MPHOSPH8: variants seen among roughly 807,000 people sequenced by gnomAD.
MPHOSPH8 encodes the protein M-phase phosphoprotein 8, also known as M-phase phosphoprotein, mpp.
A neutral mutation model predicts 87.3 loss-of-function variants in MPHOSPH8; 45 were observed. That is an observed-to-expected ratio of 0.52 (90% confidence interval 0.41 to 0.66). The LOEUF (loss-of-function observed/expected upper bound fraction) is 0.66. MPHOSPH8 is among the 30% of genes least tolerant of loss of function. MPHOSPH8 has a pLI of 0.00. For synonymous variants in MPHOSPH8, 366 were observed against 376.9 expected (o/e 0.97, Z 0.33); for missense variants, 883 against 1,020.2 (o/e 0.87, Z 1.83).
In MPHOSPH8 at chr13:19,633,758, G is replaced by C; in HGVS notation, c.10G>C (p.Val4Leu). 6.3e-7 allele frequency: 1 copy of C among 1,596,474 alleles called. No individual in the cohort carries two copies. Among genetic ancestry groups the C allele is most frequent in the Non-Finnish European group, 8.5e-7 (1 of 1,172,292 alleles). Residue 4 changes from valine to leucine, a missense_variant, in exon 1 of 14, where the codon GTT (valine) becomes CTT (leucine). By Grantham distance (32) the Val-to-Leu change is conservative. This residue lies in a region of MPHOSPH8 where 103 missense variants were observed against 96.3 expected (regional missense o/e 1.07). Coordinates refer to ENST00000361479, the MANE Select transcript of MPHOSPH8 (RefSeq NM_017520.4). ...TTGCGGAGCTGCTAGGATGGAGCAG[G>C]TTGCGGAGGGAGCAAGGGTGACCGC... Reference protein sequence around the residue: MEQVAEGARVTAVP... With the variant: MEQLAEGARVTAVP...
chr13:19,647,386 T>G, intron 3 of MPHOSPH8, 95 bp downstream of exon 3: 17 of 1,080,208 alleles, frequency 1.6e-5, no homozygotes, highest in Non-Finnish European at 2.2e-5. Context: ...AAGAAAGTGT[T>G]TATGACCATG....
In MPHOSPH8 at chr13:19,640,084, C is replaced by T. The variant is rs141119973; in HGVS notation, c.214-2031C>T. Among the ~76,000 whole-genome samples the T allele has an allele frequency of 1.7e-4, 26 of 150,628 alleles. No individual in the cohort carries two copies. In the East Asian group the frequency reaches 5.1e-3, roughly 29 times the overall value. On this transcript the variant is annotated intron_variant, in intron 1 of 13. Coordinates refer to ENST00000361479, the MANE Select transcript of MPHOSPH8 (RefSeq NM_017520.4). ...TCGCGCCACTACTCTGCAGCCTGGGCGACCCTGTCTTAAAAAAAAAACAAC... is the reference window on the plus strand; with the variant it reads ...TCGCGCCACTACTCTGCAGCCTGGGTGACCCTGTCTTAAAAAAAAAACAAC...
intron 7 of MPHOSPH8, chr13:19,659,719 C>A: frequency 2.4e-6 from 1 of 410,924 alleles, no homozygotes; most frequent in South Asian, 1.8e-5. Flanking sequence ...ATTGTAGAAC[C>A]CTATAAATGT....
At chr13:19,670,963 A>G (rs1044241376) in intron 12 of MPHOSPH8, 4 of 1,056,048 alleles carry the variant, frequency 3.8e-6, no homozygotes, top group Non-Finnish European at 5.2e-6. Flanking sequence ...GGGACTAAAA[A>G]TGCACGCCAC....
intron 5 of MPHOSPH8, among the ~76,000 whole-genome samples, chr13:19,655,932 G>T (rs936240886): frequency 3.9e-5 from 6 of 151,964 alleles, no homozygotes; most frequent in African/African-American, 1.2e-4. Context: ...GGGCAACATG[G>T]TGAAACTCCA....
intron 7 of MPHOSPH8, chr13:19,660,909 G>A (rs1875488324): frequency 1.0e-6 from 1 of 984,836 alleles, no homozygotes; most frequent in South Asian, 4.7e-5. Context: ...TGTTCATTTT[G>A]TATGGTGCAA....
intron 5 of MPHOSPH8, among the ~76,000 whole-genome samples, chr13:19,651,078 A>G (rs957395635): frequency 3.3e-5 from 5 of 152,276 alleles, no homozygotes; most frequent in African/African-American, 4.8e-5. Flanking sequence ...GGGGAACATC[A>G]GTAAAGCCAG....
At chr13:19,659,845 G>A (rs920147010) in intron 7 of MPHOSPH8, among the ~76,000 whole-genome samples, 1 of 151,872 alleles carries the variant, frequency 6.6e-6, no homozygotes, top group African/African-American at 2.4e-5. Context: ...AGAGCGTAGA[G>A]TGAGACCATT....
At chr13:19,653,172 A>G (rs1874956074) in intron 5 of MPHOSPH8, among the ~76,000 whole-genome samples, 1 of 152,178 alleles carries the variant, frequency 6.6e-6, no homozygotes, top group East Asian at 1.9e-4. Context: ...GACGCCTCAT[A>G]CAGGAGAGCT....
At chr13:19,634,568 G>C (rs1379566564) in intron 1 of MPHOSPH8, among the ~76,000 whole-genome samples, 1 of 152,118 alleles carries the variant, frequency 6.6e-6, no homozygotes, top group African/African-American at 2.4e-5. Flanking sequence ...ACAGTTCTCT[G>C]CCCTCTTCTT....
In MPHOSPH8 at chr13:19,637,923, A is replaced by C. The variant is rs552421865; in HGVS notation, c.213+3962A>C. Among the ~76,000 whole-genome samples the C allele has an allele frequency of 3.3e-4, 50 of 151,812 alleles. No homozygotes were observed. The South Asian group carries it at 7.9e-3, about 24-fold the overall frequency. ...GAGACCATCCTGGCTAACATGGTGA[A>C]ACCCCGTCTCTACTAAAAATACAAA... is the stretch of plus-strand genomic sequence containing the variant. On this transcript the variant is annotated intron_variant, in intron 1 of 13. Coordinates refer to ENST00000361479, the MANE Select transcript of MPHOSPH8 (RefSeq NM_017520.4).
chr13:19,671,183 T>G (rs774496569), intron 12 of MPHOSPH8, 23 bp from the exon 13 acceptor site: 2 of 1,609,448 alleles, frequency 1.2e-6, no homozygotes, highest in Admixed American at 1.7e-5. Context: ...AACACTGACT[T>G]TTTTTTTCTC....
chr13:19,671,778 G>T (rs1034185370), intron 13 of MPHOSPH8, 56 bp from the exon 14 acceptor site: 2 of 1,561,196 alleles, frequency 1.3e-6, no homozygotes, highest in African/African-American at 2.7e-5. Context: ...GTTTTTTCTT[G>T]TAAGAAAGGG....
intron 5 of MPHOSPH8, 58 bp downstream of exon 5, chr13:19,650,318 G>T: frequency 6.5e-7 from 1 of 1,537,352 alleles, no homozygotes; most frequent in Non-Finnish European, 8.8e-7. Context: ...TTATTTTACT[G>T]TACTCTTCTC....
At position 19,633,728 on chromosome 13, in the gene MPHOSPH8, G is replaced by A; in HGVS notation, c.-21G>A. Reference sequence around the variant, plus strand: ...TGTTTGTCGCAGCGGGTTTTCCTCGGCGGTTTGCGGAGCTGCTAGGATGGA... The same window carrying A: ...TGTTTGTCGCAGCGGGTTTTCCTCGACGGTTTGCGGAGCTGCTAGGATGGA... On this transcript the variant is annotated 5_prime_UTR_variant, in exon 1 of 14. Transcript: ENST00000361479. The A allele has an allele frequency of 5.7e-6, 9 of 1,570,558 alleles. No individual in the cohort carries two copies. Among genetic ancestry groups the A allele is most frequent in the Non-Finnish European group, 7.8e-6 (9 of 1,158,016 alleles).
chr13:19,668,710 A>G (rs1290007314), intron 11 of MPHOSPH8, among the ~76,000 whole-genome samples, 179 bp downstream of exon 11: 2 of 152,230 alleles, frequency 1.3e-5, no homozygotes, highest in Non-Finnish European at 2.9e-5. Context: ...CTGACACCCC[A>G]TCCCTGTTTT....
rs1329882152 is a variant in MPHOSPH8 at position 19,633,961 on chromosome 13, G to A, written c.213G>A (p.Gly71=). The A allele has an allele frequency of 1.2e-5, 19 of 1,605,468 alleles. No homozygotes were observed. Among genetic ancestry groups the A allele is most frequent in the Non-Finnish European group, 1.5e-5 (18 of 1,176,808 alleles). ...AGATCCTGGACATGAAGACCGAGGG[G>A]GTATGTGGAGGGGCCCCGGCGCGGG... ...VEKILDMKTE[G]GKVLYKVRWK... is the part of the protein sequence containing the mutation. The change falls in exon 1 of 14, where the codon GGG becomes GGA. Residue 71 remains glycine (G), a splice_region_variant and synonymous_variant. Coordinates refer to ENST00000361479, the MANE Select transcript of MPHOSPH8 (RefSeq NM_017520.4).
chr13:19,670,408 T>A, intron 12 of MPHOSPH8, 45 bp downstream of exon 12: 1 of 1,579,640 alleles, frequency 6.3e-7, no homozygotes, highest in Non-Finnish European at 8.6e-7. Context: ...ATTCTTCTAA[T>A]CAAAAGCACA....
chr13:19,646,753 T>A lies in MPHOSPH8; in HGVS notation c.680T>A (p.Leu227Ter), dbSNP rs866907025. 6.3e-7 allele frequency: 1 copy of A among 1,580,314 alleles called. No homozygotes were observed. Among genetic ancestry groups the A allele is most frequent in the South Asian group, 1.2e-5 (1 of 84,642 alleles). ...KKDEVKETKE[L>*]KKVKKGEIRD... is the part of the protein sequence containing the mutation. ...GATGAAGTAAAAGAAACAAAAGAAT[T>A]AAAGAAAGTTAAAAAGGGTGAAATA... Residue 227 changes from leucine to a stop codon, truncating the protein, a stop_gained, in exon 3 of 14, where the codon TTA becomes TAA. Coordinates refer to ENST00000361479, the MANE Select transcript of MPHOSPH8 (RefSeq NM_017520.4). LOFTEE classifies it high-confidence loss of function.
Sources: gnomAD v4.1 joint callset for allele counts (sites outside exome capture counted in the v4.1 genomes callset) on GRCh38, gnomAD v4.1.1 for gene constraint, gnomAD v4.1.1 regional missense constraint, MANE v1.5 for transcripts, NCBI Gene and HGNC (gene_info 2026-07-23, HGNC 2026-07-21) for gene names.